Variants in ADGRE1 observed in about 807,000 individuals in gnomAD.
ADGRE1 encodes EGF-like module receptor 1.
In ADGRE1, 82 loss-of-function variants were observed where a neutral mutation model predicts 102.7. The ratio of observed to expected loss-of-function variants is 0.80; its 90% confidence interval spans 0.67 to 0.96. The LOEUF (loss-of-function observed/expected upper bound fraction) is 0.96, where lower values mean the gene tolerates loss of function less well. Ranked by LOEUF, ADGRE1 falls within the 40% of genes least tolerant of loss-of-function variation. The pLI is 0.00. For missense variants in ADGRE1, 1,032 were observed against 1,085.3 expected, an observed-to-expected ratio of 0.95 and a Z score of 0.69; for synonymous variants, 398 against 399.6, an observed-to-expected ratio of 1.00 and a Z score of 0.05.
chr19:6,923,011 G>A (rs3890540), intron 14 of ADGRE1, among the ~76,000 whole-genome samples: 33,642 of 151,958 alleles, frequency 0.22, 3,797 homozygotes, highest in South Asian at 0.24. Flanking sequence ...CGGGAGGCAG[G>A]GCTTGCAGTG....
intron 5 of ADGRE1, chr19:6,898,517 T>G: frequency 1.3e-6 from 2 of 1,554,728 alleles, no homozygotes; most frequent in Non-Finnish European, 1.8e-6. Context: ...ATCAGTGGGG[T>G]GAGTTCATGT....
In ADGRE1 at chr19:6,937,359, A is replaced by G. The variant is rs1678174607; in HGVS notation, c.2498A>G (p.Asn833Ser). ...GVMAYLFTII[N>S]SLQGAFIFLI... ...ATGGCTTACCTGTTCACCATCATCA[A>G]CAGCCTGCAGGGGGCCTTCATCTTC... Residue 833 changes from asparagine (N) to serine (S), a missense_variant, in exon 19 of 21, where the codon AAC becomes AGC. Transcript: ENST00000312053. 3.7e-6 allele frequency: 6 copies of G among 1,613,876 alleles called. No individual in the cohort carries two copies. Among genetic ancestry groups the G allele is most frequent in the Admixed American group, 1.7e-5 (1 of 59,984 alleles).
chr19:6,887,657 TG>T lies in ADGRE1; in HGVS notation c.31+24del. The T allele has an allele frequency of 2.5e-6, 4 of 1,607,702 alleles. No homozygotes were observed. Among genetic ancestry groups the T allele is most frequent in the South Asian group, 1.1e-5 (1 of 89,944 alleles). ...CTTCTGGGGTGAGTGTGAGGCTGAA[TG>T]GGGGGCTAGGGGAGGCCTGGATTGG... On this transcript the variant is annotated intron_variant, in intron 1 of 20. Coordinates refer to ENST00000312053, the MANE Select transcript of ADGRE1 (RefSeq NM_001974.5).
intron 1 of ADGRE1, 30 bp downstream of exon 1, chr19:6,887,669 G>A (rs1416446244): frequency 6.9e-6 from 11 of 1,603,120 alleles, no homozygotes; most frequent in Non-Finnish European, 9.4e-6. Context: ...GGGGGCTAGG[G>A]GAGGCCTGGA....
chr19:6,914,990 G>A (rs566299511), intron 11 of ADGRE1, among the ~76,000 whole-genome samples: 1 of 136,906 alleles, frequency 7.3e-6, no homozygotes, highest in Non-Finnish European at 1.6e-5. Context: ...TGGAAATGTA[G>A]ATAAATGTAG....
chr19:6,924,924 G>T (rs1309221339), intron 15 of ADGRE1, 52 bp downstream of exon 15: 2 of 1,583,882 alleles, frequency 1.3e-6, no homozygotes, highest in Non-Finnish European at 1.7e-6. Context: ...CTCCCCACCT[G>T]CCTCAGCTCA....
intron 12 of ADGRE1, among the ~76,000 whole-genome samples, chr19:6,917,769 T>C (rs1974453463): frequency 6.7e-6 from 1 of 150,060 alleles, no homozygotes; most frequent in Non-Finnish European, 1.5e-5. Context: ...ATTGAGGGTG[T>C]TGCATCCCAG....
intron 17 of ADGRE1, among the ~76,000 whole-genome samples, chr19:6,934,419 CTT>C (rs71177132): frequency 8.2e-4 from 78 of 95,442 alleles, no homozygotes; most frequent in African/African-American, 2.4e-3. Context: ...TCTTCTTCTT[CTT>C]TTTTTTTTTT....
chr19:6,922,620 A>T (rs1440326390), intron 14 of ADGRE1, among the ~76,000 whole-genome samples: 353 of 100,854 alleles, frequency 3.5e-3, no homozygotes, highest in African/African-American at 0.016. Flanking sequence ...TCTCACACAC[A>T]CACACACACA....
chr19:6,939,696 C>G (rs1366462395), intron 20 of ADGRE1, among the ~76,000 whole-genome samples: 1 of 152,108 alleles, frequency 6.6e-6, no homozygotes, highest in Non-Finnish European at 1.5e-5. Flanking sequence ...AATGAAAGCC[C>G]AGAAAACTCT....
chr19:6,932,653 T>A (rs888179505), intron 17 of ADGRE1, among the ~76,000 whole-genome samples: 1 of 152,026 alleles, frequency 6.6e-6, no homozygotes, highest in Admixed American at 6.6e-5. Flanking sequence ...CAGGGTGATG[T>A]CCACTCCCTG....
At chr19:6,898,967 C>T (rs1038429612) in intron 5 of ADGRE1, among the ~76,000 whole-genome samples, 1 of 152,002 alleles carries the variant, frequency 6.6e-6, no homozygotes, top group African/African-American at 2.4e-5. Context: ...TAGCATTAGG[C>T]CATTTCTGTT....
At chr19:6,923,976 C>T (rs1236427205) in intron 14 of ADGRE1, among the ~76,000 whole-genome samples, 2 of 151,258 alleles carry the variant, frequency 1.3e-5, no homozygotes, top group African/African-American at 4.9e-5. Context: ...GAATAAATGG[C>T]ATAGAAGAAG....
intron 12 of ADGRE1, among the ~76,000 whole-genome samples, chr19:6,918,389 C>T (rs901710747): frequency 2.0e-5 from 3 of 151,782 alleles, no homozygotes; most frequent in African/African-American, 7.3e-5. Context: ...TGCAGTGAGC[C>T]GAGAACCTGC....
chr19:6,936,832 A>G (rs1462045504), intron 18 of ADGRE1, among the ~76,000 whole-genome samples: 1 of 152,164 alleles, frequency 6.6e-6, no homozygotes, highest in African/African-American at 2.4e-5. Context: ...CATGTTAACC[A>G]GGCTGGGCTC....
chr19:6,932,417 G>A (rs1442040670), intron 17 of ADGRE1, among the ~76,000 whole-genome samples: 3 of 152,092 alleles, frequency 2.0e-5, no homozygotes, highest in Non-Finnish European at 2.9e-5. Context: ...GCAGTGAGCC[G>A]AGATGGCGCC....
rs1174340932 is a variant in ADGRE1, at chr19:6,921,912, C to T, written c.1791+29C>T. On this transcript the variant is annotated intron_variant, in intron 14 of 20. Coordinates refer to ENST00000312053, the MANE Select transcript of ADGRE1 (RefSeq NM_001974.5). Reference sequence around the variant, plus strand: ...AGTACTGATGATTTGTTCCCTGAGGCAGAGTATCTGCCTCCAAATCCAATG... The same window carrying T: ...AGTACTGATGATTTGTTCCCTGAGGTAGAGTATCTGCCTCCAAATCCAATG... 2.5e-6 allele frequency: 4 copies of T among 1,580,258 alleles called. No homozygotes were observed. The African/African-American group carries it at 4.1e-5, about 16-fold the overall frequency.
At chr19:6,890,425 T>TTC in intron 1 of ADGRE1, 56 bp from the exon 2 acceptor site, 1 of 1,011,814 alleles carries the variant, frequency 9.9e-7, no homozygotes, top group Non-Finnish European at 1.3e-6. Flanking sequence ...CAAAAGGTTT[T>TTC]TTTTTTTTTT....
chr19:6,905,856 G>A (rs1233679878), intron 8 of ADGRE1, among the ~76,000 whole-genome samples: 1 of 152,010 alleles, frequency 6.6e-6, no homozygotes, highest in Non-Finnish European at 1.5e-5. Context: ...CATCAATGTC[G>A]CTGGTTCTCC....
Sources: allele counts gnomAD v4.1 joint callset (sites outside exome capture counted in the v4.1 genomes callset), GRCh38; gene constraint gnomAD v4.1.1; transcripts MANE v1.5; gene names NCBI Gene and HGNC (gene_info 2026-07-23, HGNC 2026-07-21).